Variants in MYO3B observed in about 807,000 individuals in gnomAD.
The protein encoded by MYO3B is myosin IIIB.
MYO3B carries 156 observed loss-of-function variants against 174.6 expected under a neutral mutation model. That is an observed-to-expected ratio of 0.89 (90% CI 0.78 to 1.02). The LOEUF (loss-of-function observed/expected upper bound fraction) is 1.02, where lower values mean the gene tolerates loss of function less well. Ranked by LOEUF, MYO3B falls within the 50% of genes least tolerant of loss-of-function variation. MYO3B has a pLI of 0.00. For missense variants in MYO3B, 1,632 were observed against 1,639.4 expected, an observed-to-expected ratio of 1.00 and a Z score of 0.08; for synonymous variants, 563 against 569.1, an observed-to-expected ratio of 0.99 and a Z score of 0.15.
chr2:170,366,992 C>T (rs1305802804), intron 8 of MYO3B, among the ~76,000 whole-genome samples: 1 of 150,456 alleles, frequency 6.6e-6, no homozygotes, highest in African/African-American at 2.4e-5. Context: ...TCACCTGGAA[C>T]ACTGCCCTGA....
chr2:170,559,031 T>C (rs1428830622), intron 32 of MYO3B, among the ~76,000 whole-genome samples: 1 of 152,238 alleles, frequency 6.6e-6, no homozygotes, highest in African/African-American at 2.4e-5. Context: ...TCATTTTTAT[T>C]TGAGGAAGTT....
intron 32 of MYO3B, among the ~76,000 whole-genome samples, chr2:170,557,065 A>G (rs1575160912): frequency 6.7e-6 from 1 of 149,328 alleles, no homozygotes; most frequent in Non-Finnish European, 1.5e-5. Flanking sequence ...CCTACGTTAG[A>G]TACGTGTTTT....
intron 25 of MYO3B, among the ~76,000 whole-genome samples, chr2:170,486,047 T>TA (rs1041043080): frequency 6.6e-6 from 1 of 152,014 alleles, no homozygotes; most frequent in African/African-American, 2.4e-5. Context: ...GCATTTCTAA[T>TA]AAGTTTCCAG....
At chr2:170,419,418 C>T (rs1335378558) in intron 22 of MYO3B, among the ~76,000 whole-genome samples, 1 of 152,194 alleles carries the variant, frequency 6.6e-6, no homozygotes, top group East Asian at 1.9e-4. Context: ...CTAATAAGGA[C>T]ACCAGTCATA....
chr2:170,336,936 A>AC (rs796269901), intron 8 of MYO3B, among the ~76,000 whole-genome samples: 67 of 150,806 alleles, frequency 4.4e-4, no homozygotes, highest in African/African-American at 1.6e-3. Flanking sequence ...GAACTCAAAG[A>AC]CCCCTGCTAA....
At chr2:170,626,475 A>G (rs1696442328) in intron 32 of MYO3B, among the ~76,000 whole-genome samples, 1 of 152,196 alleles carries the variant, frequency 6.6e-6, no homozygotes, top group East Asian at 1.9e-4. Flanking sequence ...TCCTGAATAC[A>G]GCACACTGAT....
At chr2:170,501,196 T>C (rs1019506379) in intron 27 of MYO3B, among the ~76,000 whole-genome samples, 1 of 152,144 alleles carries the variant, frequency 6.6e-6, no homozygotes, top group African/African-American at 2.4e-5. Context: ...CTCTTTTTCT[T>C]CACCTTTCTT....
chr2:170,459,389 C>T (rs918919747), intron 23 of MYO3B, among the ~76,000 whole-genome samples: 1 of 152,212 alleles, frequency 6.6e-6, no homozygotes, highest in Non-Finnish European at 1.5e-5. Context: ...GGTGCACTTA[C>T]AATCCTTTAG....
intron 7 of MYO3B, among the ~76,000 whole-genome samples, chr2:170,247,372 C>T (rs1054677102): frequency 1.3e-5 from 2 of 152,116 alleles, no homozygotes; most frequent in Non-Finnish European, 2.9e-5. Flanking sequence ...AGAGCAGCAC[C>T]ATCTGCTTCT....
Position 170,400,243 on chromosome 2 carries a change from A to C in MYO3B, c.1847A>C (p.Glu616Ala). Residue 616 changes from glutamate to alanine, a missense_variant, in exon 17 of 35, where the codon GAG becomes GCG. Coordinates refer to ENST00000408978, the MANE Select transcript of MYO3B (RefSeq NM_138995.5). ...LAGILNIGNI[E>A]FAAISSQHQT... The stretch of plus-strand genomic sequence containing the variant: ...GGGATTTTGAATATTGGGAACATTG[A>C]GTTCGCAGCTATTTCCTCTCAACAT... 10 of 1,613,946 alleles carry C rather than the reference A, an allele frequency of 6.2e-6. No individual in the cohort carries two copies. The highest frequency in any genetic ancestry group is 8.5e-6 in the Non-Finnish European group (10 of 1,179,910).
intron 16 of MYO3B, 25 bp from the exon 17 acceptor site, chr2:170,400,163 A>G (rs757634742): frequency 3.1e-6 from 5 of 1,613,852 alleles, no homozygotes; most frequent in East Asian, 2.2e-5. Flanking sequence ...TGACCTTCAT[A>G]TATGGTTCTT....
At chr2:170,333,367 G>T (rs56264188) in intron 7 of MYO3B, among the ~76,000 whole-genome samples, 41,144 of 151,976 alleles carry the variant, frequency 0.27, 6,265 homozygotes, top group South Asian at 0.39. Flanking sequence ...GAGATAAAGA[G>T]GCAGCCTCCT....
intron 3 of MYO3B, among the ~76,000 whole-genome samples, chr2:170,208,733 G>T (rs1378025420): frequency 1.3e-5 from 2 of 151,502 alleles, no homozygotes; most frequent in Non-Finnish European, 2.9e-5. Flanking sequence ...TCATTTTTTT[G>T]TTAAAAAAAA....
intron 3 of MYO3B, 43 bp downstream of exon 3, chr2:170,200,327 C>T (rs759557709): frequency 1.3e-6 from 2 of 1,588,144 alleles, no homozygotes; most frequent in Non-Finnish European, 8.6e-7. Flanking sequence ...GAACAGAGTG[C>T]CAGAGGCCAA....
In MYO3B at chr2:170,387,173, C is replaced by T; in HGVS notation, c.1442C>T (p.Ser481Leu). 6.2e-7 allele frequency: 1 copy of T among 1,614,168 alleles called. No homozygotes were observed. The highest frequency in any genetic ancestry group is 8.5e-7 in the Non-Finnish European group (1 of 1,180,010). Residue 481 changes from serine (S) to leucine (L), a missense_variant, in exon 14 of 35, where the codon TCA becomes TTA. Physicochemically the swap from Ser to Leu is moderately radical, Grantham distance 145. Transcript: ENST00000408978. ...VNSLVEAFGNSCTAINDNSSR... is the reference protein window; with the variant it reads ...VNSLVEAFGNLCTAINDNSSR... ...TCCCTGGTGGAAGCCTTTGGGAACT[C>T]ATGCACTGCCATCAATGACAACTCG... is the stretch of plus-strand genomic sequence containing the variant.
Position 170,653,109 on chromosome 2 carries a change from T to A in MYO3B, c.4014T>A (p.Phe1338Leu). The change falls in exon 35 of 35, where the codon TTT (phenylalanine) becomes TTA (leucine). Residue 1338 changes from phenylalanine to leucine, a missense_variant. By Grantham distance (22) the Phe-to-Leu change is conservative. Transcript: ENST00000408978. ...FFSSSSKGDS[F>L]AQH The stretch of plus-strand genomic sequence containing the variant: ...CTTCATCCTCAAAAGGAGACTCTTT[T>A]GCTCAACATTAAATTGTGCTTCCTA... 1 of 1,614,192 alleles carries A rather than the reference T, an allele frequency of 6.2e-7. No individual in the cohort carries two copies. The highest frequency in any genetic ancestry group is 8.5e-7 in the Non-Finnish European group (1 of 1,180,030).
At chr2:170,445,972 C>G (rs2094839057) in intron 23 of MYO3B, among the ~76,000 whole-genome samples, 2 of 143,380 alleles carry the variant, frequency 1.4e-5, no homozygotes, top group African/African-American at 5.1e-5. Context: ...GCATTTTAAA[C>G]AGCAAAATTA....
At chr2:170,479,403 C>A (rs977084245) in intron 25 of MYO3B, among the ~76,000 whole-genome samples, 8 of 144,194 alleles carry the variant, frequency 5.5e-5, no homozygotes, top group South Asian at 2.2e-4. Flanking sequence ...TATTATATAT[C>A]TATTATATAG....
rs372692011 is a variant in MYO3B at position 170,540,455 on chromosome 2, A to G, written c.3576-2451A>G. ...TTTTTAAAAAATATTTTAAAAATTC[A>G]ATTAAATAGAGACAGGGTCTTGCTA... is the stretch of plus-strand genomic sequence containing the variant. On this transcript the variant is annotated intron_variant, in intron 30 of 34. Coordinates refer to ENST00000408978, the MANE Select transcript of MYO3B (RefSeq NM_138995.5). Among the ~76,000 whole-genome samples the G allele has an allele frequency of 4.6e-5, 7 of 152,138 alleles. No homozygotes were observed. In the East Asian group the frequency reaches 1.4e-3, roughly 29 times the overall value.
Sources: allele counts gnomAD v4.1 joint callset (sites outside exome capture counted in the v4.1 genomes callset), GRCh38; gene constraint gnomAD v4.1.1; transcripts MANE v1.5; gene names NCBI Gene and HGNC (gene_info 2026-07-23, HGNC 2026-07-21).